Variants in RERE observed in about 807,000 individuals in gnomAD.
RERE encodes the protein arginine-glutamic acid dipeptide repeats protein.
Under a neutral mutation model 146.1 loss-of-function variants are expected in RERE, and 40 were observed. The ratio of observed to expected loss-of-function variants is 0.27; its 90% CI spans 0.21 to 0.36. The LOEUF (loss-of-function observed/expected upper bound fraction) is 0.36, where lower values mean the gene tolerates loss of function less well. Among genes scored for constraint, RERE ranks in the 10% least tolerant of loss-of-function variants. The probability of loss-of-function intolerance (pLI) is 1.00; values close to 1 mark genes in which losing one functional copy is unlikely to be tolerated. For synonymous variants in RERE, 1,003 were observed against 866.0 expected (o/e 1.16, Z -2.78); for missense variants, 1,933 against 2,138.7 (o/e 0.90, Z 1.90).
chr1:8,743,551 G>A (rs997823736), intron 1 of RERE, among the ~76,000 whole-genome samples: 24 of 150,960 alleles, frequency 1.6e-4, no homozygotes, highest in South Asian at 1.5e-3. Context: ...GTGAACCACC[G>A]CACCCAGCCA....
At chr1:8,693,618 T>C (rs563885840) in intron 1 of RERE, among the ~76,000 whole-genome samples, 12 of 152,058 alleles carry the variant, frequency 7.9e-5, no homozygotes, top group South Asian at 2.1e-4. Flanking sequence ...AGGGAGAACA[T>C]AGGGCATGTT....
chr1:8,358,510 T>C lies in RERE; in HGVS notation c.4025A>G (p.Asn1342Ser). The C allele has an allele frequency of 6.3e-7, 1 of 1,591,626 alleles. No homozygotes were observed. Residue 1342 changes from asparagine to serine, a missense_variant, in exon 20 of 23, where the codon AAC (asparagine) becomes AGC (serine). Around this residue, in one of 11 missense-constraint regions of RERE, gnomAD observed 1,255 missense variants for 1,153.8 expected, o/e 1.09. Transcript: ENST00000400908. ...GTGCCGGGCAAAGTGCTCCATGGGG[T>C]TGGCGGCTGGGTGCAGGGGGTCCAG... The part of the protein sequence containing the change: ...PELDPLHPAA[N>S]PMEHFARHSA...
At chr1:8,472,931 A>G (rs1273633844) in intron 10 of RERE, among the ~76,000 whole-genome samples, 1 of 151,828 alleles carries the variant, frequency 6.6e-6, no homozygotes, top group Non-Finnish European at 1.5e-5. Context: ...CCACATCACT[A>G]AACTGCATGA....
At chr1:8,731,776 G>GT (rs78465959) in intron 1 of RERE, among the ~76,000 whole-genome samples, 2,767 of 146,792 alleles carry the variant, frequency 0.019, 79 homozygotes, top group African/African-American at 0.063. Flanking sequence ...TAAACATAAT[G>GT]TTTTTTTGTT....
chr1:8,621,922 T>A (rs1389462228), intron 3 of RERE, among the ~76,000 whole-genome samples: 1 of 152,208 alleles, frequency 6.6e-6, no homozygotes, highest in Non-Finnish European at 1.5e-5. Flanking sequence ...CTATATTTAT[T>A]CCCAGAGCAA....
At chr1:8,776,466 T>A (rs1387854740) in intron 1 of RERE, among the ~76,000 whole-genome samples, 1 of 152,134 alleles carries the variant, frequency 6.6e-6, no homozygotes, top group Non-Finnish European at 1.5e-5. Flanking sequence ...ACCCACTAAT[T>A]GTTGTATTTT....
chr1:8,366,861 G>A (rs1641819981), intron 12 of RERE, among the ~76,000 whole-genome samples: 1 of 129,864 alleles, frequency 7.7e-6, no homozygotes, highest in African/African-American at 2.9e-5. Context: ...CACAAAAGAC[G>A]ATTTCTTAAA....
chr1:8,547,648 T>A lies in RERE; in HGVS notation c.726-6330A>T, dbSNP rs138256894. Among the ~76,000 whole-genome samples the A allele has an allele frequency of 1.4e-3, 209 of 152,288 alleles. 1 individual carries two copies. The highest frequency in any genetic ancestry group is 5.0e-3 in the African/African-American group (207 of 41,554). ...TATGAAAAAATGTTCAAACTCATTG[T>A]TAGTGAAATAAAATAAAAACATGGA... On this transcript the variant is annotated intron_variant, in intron 6 of 22. Transcript: ENST00000400908.
Position 8,352,650 on chromosome 1 carries a change from GACAC to G in RERE, c.*2433_*2436del, listed in dbSNP as rs1201036993. ...CCTCGAGGACACCGAACAAGATACG[GACAC>G]ACACAGAGGAGCCAAACCAAACCCC... On this transcript the variant is annotated 3_prime_UTR_variant, in exon 23 of 23. Transcript: ENST00000400908. 2 of 152,318 alleles carry G rather than the reference GACAC, an allele frequency of 1.3e-5. No homozygotes were observed. Among genetic ancestry groups the G allele is most frequent in the Admixed American group, 6.5e-5 (1 of 15,278 alleles). The allele number at this position is 152,318 out of a possible 1,614,324, so 9.4% of individuals were successfully genotyped here. A position where few individuals can be genotyped will look rare whatever the true frequency, so the allele number is the denominator to read the frequency against.
In RERE at chr1:8,696,330, A is replaced by AG. The variant is rs572778675; in HGVS notation, c.-144-39890dup. ...TGGACTGATAAAGAAAATGTGGTAC[A>AG]GGCTGGGTACGGTAGCTCGCGTCTG... On this transcript the variant is annotated intron_variant, in intron 1 of 22. Transcript: ENST00000400908. Among the ~76,000 whole-genome samples, 13 of 152,350 alleles carry AG rather than the reference A, an allele frequency of 8.5e-5. No individual in the cohort carries two copies. The East Asian group carries it at 2.5e-3, about 29-fold the overall frequency.
At chr1:8,762,849 T>G (rs1640780946) in intron 1 of RERE, among the ~76,000 whole-genome samples, 1 of 152,128 alleles carries the variant, frequency 6.6e-6, no homozygotes, top group Non-Finnish European at 1.5e-5. Flanking sequence ...CTACACCACA[T>G]AAATGAAGAC....
At chr1:8,631,728 C>G (rs1647037662) in intron 2 of RERE, among the ~76,000 whole-genome samples, 1 of 152,158 alleles carries the variant, frequency 6.6e-6, no homozygotes, top group Non-Finnish European at 1.5e-5. Flanking sequence ...GTGAGTTTAG[C>G]CAATGTAACA....
At chr1:8,421,735 C>A (rs933084446) in intron 12 of RERE, among the ~76,000 whole-genome samples, 3 of 152,038 alleles carry the variant, frequency 2.0e-5, no homozygotes, top group African/African-American at 4.8e-5. Flanking sequence ...AGCCAAAAAA[C>A]CCAAATTATC....
intron 1 of RERE, among the ~76,000 whole-genome samples, chr1:8,678,200 TATTA>T (rs1638884598): frequency 1.3e-5 from 2 of 152,206 alleles, no homozygotes; most frequent in South Asian, 4.1e-4. Context: ...AAAATCAATT[TATTA>T]GATTTCATTT....
At chr1:8,737,777 T>C (rs1178922144) in intron 1 of RERE, among the ~76,000 whole-genome samples, 1 of 152,128 alleles carries the variant, frequency 6.6e-6, no homozygotes, top group African/African-American at 2.4e-5. Flanking sequence ...CTCAATGAAG[T>C]GGCACAGCAC....
At chr1:8,668,185 T>C (rs1333464920) in intron 1 of RERE, among the ~76,000 whole-genome samples, 1 of 152,266 alleles carries the variant, frequency 6.6e-6, no homozygotes, top group African/African-American at 2.4e-5. Flanking sequence ...TTACGAAAAC[T>C]ATAGTCTGCC....
chr1:8,675,275 C>T (rs1477945375), intron 1 of RERE, among the ~76,000 whole-genome samples: 2 of 151,962 alleles, frequency 1.3e-5, no homozygotes, highest in Admixed American at 1.3e-4. Context: ...TATATATAGG[C>T]CTGTCACTTT....
At chr1:8,639,955 A>T (rs1231486453) in intron 2 of RERE, among the ~76,000 whole-genome samples, 1 of 152,162 alleles carries the variant, frequency 6.6e-6, no homozygotes, top group Admixed American at 6.5e-5. Flanking sequence ...AGAGCTTTAC[A>T]AATAGAGCCC....
chr1:8,623,591 G>A (rs1372328205), intron 3 of RERE, among the ~76,000 whole-genome samples: 1 of 152,158 alleles, frequency 6.6e-6, no homozygotes, highest in African/African-American at 2.4e-5. Context: ...TTTACATCAA[G>A]CTTAGCATGT....
Sources: gnomAD v4.1 joint callset for allele counts (sites outside exome capture counted in the v4.1 genomes callset) on GRCh38, gnomAD v4.1.1 for gene constraint, gnomAD v4.1.1 regional missense constraint, MANE v1.5 for transcripts, NCBI Gene and HGNC (gene_info 2026-07-23, HGNC 2026-07-21) for gene names.